TBCK: variants seen among roughly 807,000 people sequenced by gnomAD.
TBCK encodes TBC domain-containing protein kinase-like protein.
Under a neutral mutation model 113.4 loss-of-function variants are expected in TBCK, and 99 were observed. The ratio of observed to expected loss-of-function variants is 0.87; its 90% CI spans 0.74 to 1.03. TBCK has a LOEUF of 1.03. Ranked by LOEUF, TBCK falls within the 50% of genes least tolerant of loss-of-function variation. The pLI is 0.00. For missense variants in TBCK, 1,045 were observed against 1,061.3 expected (o/e 0.98, Z 0.21); for synonymous variants, 369 against 370.8 (o/e 1.00, Z 0.05).
intron 23 of TBCK, among the ~76,000 whole-genome samples, chr4:106,168,554 C>G (rs1750654409): frequency 6.6e-6 from 1 of 151,752 alleles, no homozygotes; most frequent in African/African-American, 2.4e-5. Flanking sequence ...ATAAAACTGT[C>G]CATTTTTCAA....
At chr4:106,296,977 C>G (rs1357880449) in intron 2 of TBCK, among the ~76,000 whole-genome samples, 2 of 151,738 alleles carry the variant, frequency 1.3e-5, no homozygotes, top group South Asian at 2.1e-4. Flanking sequence ...GCAACATTAT[C>G]AGAAAACCAA....
intron 3 of TBCK, among the ~76,000 whole-genome samples, chr4:106,283,888 C>T (rs999115660): frequency 1.3e-5 from 2 of 152,052 alleles, no homozygotes; most frequent in African/African-American, 4.8e-5. Flanking sequence ...CCAGTTAGAA[C>T]GTTACAATGC....
At chr4:106,219,463 G>T (rs1757413148) in intron 19 of TBCK, among the ~76,000 whole-genome samples, 1 of 151,806 alleles carries the variant, frequency 6.6e-6, no homozygotes, top group South Asian at 2.1e-4. Flanking sequence ...AGAAAGTAGA[G>T]ATACGGTAGG....
chr4:106,114,872 A>C (rs1743308738), intron 24 of TBCK, among the ~76,000 whole-genome samples: 1 of 152,238 alleles, frequency 6.6e-6, no homozygotes, highest in Non-Finnish European at 1.5e-5. Context: ...GTTCTTGACC[A>C]GTTAAATAGA....
chr4:106,211,767 A>C (rs1442914304), intron 20 of TBCK, among the ~76,000 whole-genome samples: 2 of 152,116 alleles, frequency 1.3e-5, no homozygotes, highest in African/African-American at 4.8e-5. Flanking sequence ...GTAACCCTAC[A>C]TAATCATAAT....
intron 3 of TBCK, among the ~76,000 whole-genome samples, chr4:106,280,354 A>T (rs1204580456): frequency 6.6e-6 from 1 of 152,052 alleles, no homozygotes; most frequent in East Asian, 1.9e-4. Flanking sequence ...ACAGTTTACA[A>T]ATATTTATTC....
At chr4:106,095,737 T>G in intron 24 of TBCK, 96 bp from the exon 25 acceptor site, 2 of 1,009,372 alleles carry the variant, frequency 2.0e-6, no homozygotes, top group East Asian at 5.4e-5. Flanking sequence ...AAGATAGTAC[T>G]AAACATCTTC....
chr4:106,130,752 CAT>C (rs1175460060), intron 23 of TBCK, among the ~76,000 whole-genome samples: 4 of 152,158 alleles, frequency 2.6e-5, no homozygotes, highest in East Asian at 3.9e-4. Context: ...TAATTAAAAA[CAT>C]AAAAATATGC....
intron 23 of TBCK, among the ~76,000 whole-genome samples, chr4:106,140,363 T>C (rs990521575): frequency 7.1e-6 from 1 of 141,206 alleles, no homozygotes; most frequent in Non-Finnish European, 1.6e-5. Context: ...ATTTTTCATA[T>C]AAATAAAATA....
chr4:106,190,402 T>C (rs1445656687), intron 22 of TBCK, among the ~76,000 whole-genome samples: 1 of 152,236 alleles, frequency 6.6e-6, no homozygotes, highest in East Asian at 1.9e-4. Flanking sequence ...AGTAGTCAAC[T>C]GTCCACTCAT....
chr4:106,161,355 T>TA (rs1176155820), intron 23 of TBCK, among the ~76,000 whole-genome samples: 2 of 152,114 alleles, frequency 1.3e-5, no homozygotes, highest in African/African-American at 4.8e-5. Flanking sequence ...GAGAACAAGC[T>TA]AAAAACACAA....
rs933567080 is a variant in TBCK, at chr4:106,116,313, G to T, written c.2301C>A (p.Asp767Glu). Residue 767 changes from aspartate (D) to glutamate (E), a missense_variant, in exon 24 of 26, where the codon GAC becomes GAA. By Grantham distance (45) the Asp-to-Glu change is conservative. Coordinates refer to ENST00000394708, the MANE Select transcript of TBCK (RefSeq NM_001163435.3). ...CTGTGAGCTCACACAAGTCAATCAG[G>T]TCCTCTGCTGAAATCCGTGGTGATA... ...SEVSPRISAE[D>E]LIDLCELTVT... 5.6e-6 allele frequency: 9 copies of T among 1,613,390 alleles called. No individual in the cohort carries two copies. In the Admixed American group the frequency reaches 1.5e-4, roughly 27 times the overall value.
chr4:106,275,754 TG>T (rs1400032549), intron 3 of TBCK, among the ~76,000 whole-genome samples: 6 of 152,142 alleles, frequency 3.9e-5, no homozygotes, highest in African/African-American at 1.4e-4. Context: ...AAAACACTGT[TG>T]AGAGATACTA....
At chr4:106,226,798 T>C (rs1758296873) in intron 19 of TBCK, among the ~76,000 whole-genome samples, 1 of 152,172 alleles carries the variant, frequency 6.6e-6, no homozygotes, top group Non-Finnish European at 1.5e-5. Flanking sequence ...TTAACTGAAA[T>C]CTGAAAGAGT....
At chr4:106,201,543 T>G (rs1341549884) in intron 20 of TBCK, among the ~76,000 whole-genome samples, 2 of 152,182 alleles carry the variant, frequency 1.3e-5, no homozygotes, top group African/African-American at 4.8e-5. Flanking sequence ...GTAGTGCTAT[T>G]CTACACAGTC....
At chr4:106,273,662 A>G (rs1029401592) in intron 3 of TBCK, among the ~76,000 whole-genome samples, 4 of 152,236 alleles carry the variant, frequency 2.6e-5, no homozygotes, top group Non-Finnish European at 5.9e-5. Context: ...ACACACAAAG[A>G]AGGTGATGTG....
chr4:106,270,999 T>G (rs185222024), intron 3 of TBCK, among the ~76,000 whole-genome samples: 5 of 152,282 alleles, frequency 3.3e-5, no homozygotes, highest in Admixed American at 1.3e-4. Flanking sequence ...CTTCCTATGA[T>G]TCATAAATAG....
chr4:106,170,438 A>G (rs1268347938), intron 23 of TBCK, among the ~76,000 whole-genome samples: 4 of 152,104 alleles, frequency 2.6e-5, no homozygotes, highest in Non-Finnish European at 5.9e-5. Flanking sequence ...TCATGTTTAT[A>G]AGTGACCTTA....
chr4:106,047,461 C>T (rs745498294), intron 25 of TBCK, among the ~76,000 whole-genome samples: 7 of 152,156 alleles, frequency 4.6e-5, no homozygotes, highest in Non-Finnish European at 8.8e-5. Context: ...CCATTTCCCA[C>T]CAATTCCTGT....
Sources: allele counts gnomAD v4.1 joint callset (sites outside exome capture counted in the v4.1 genomes callset), GRCh38; gene constraint gnomAD v4.1.1; transcripts MANE v1.5; gene names NCBI Gene and HGNC (gene_info 2026-07-23, HGNC 2026-07-21).